Variants in RPS6KA6 observed in about 807,000 individuals in gnomAD.
The protein encoded by RPS6KA6 is ribosomal protein S6 kinase alpha-6.
RPS6KA6 carries 27 observed loss-of-function variants against 65.4 expected under a neutral mutation model. That is an observed-to-expected ratio of 0.41 (90% CI 0.30 to 0.57). The LOEUF is 0.57. Among genes scored for constraint, RPS6KA6 ranks in the 20% least tolerant of loss-of-function variants. The pLI is 0.24. For synonymous variants in RPS6KA6, 190 were observed against 184.2 expected (o/e 1.03, Z -0.26); for missense variants, 486 against 555.6 (o/e 0.87, Z 1.26).
chrX:84,129,641 A>C (rs2034859502), intron 8 of RPS6KA6, among the ~76,000 whole-genome samples: 1 of 111,947 alleles, frequency 8.9e-6, no homozygotes, highest in Non-Finnish European at 1.9e-5. Context: ...TGTGGCACTT[A>C]TACACAACAG....
At chrX:84,082,339 A>G (rs1169403380) in intron 20 of RPS6KA6, among the ~76,000 whole-genome samples, 1 of 111,631 alleles carries the variant, frequency 9.0e-6, no homozygotes, top group Non-Finnish European at 1.9e-5. Context: ...GGGAACTCCT[A>G]TTCACATTTG....
chrX:84,162,608 G>A (rs1273449713), intron 2 of RPS6KA6, among the ~76,000 whole-genome samples: 1 of 111,498 alleles, frequency 9.0e-6, no homozygotes, highest in African/African-American at 3.3e-5. Context: ...AATTATAAAG[G>A]TAAATATTTG....
rs1285403916 is a variant in RPS6KA6, at chrX:84,060,765, T to C, written c.*3512A>G. 4 of 111,694 alleles carry C rather than the reference T, an allele frequency of 3.6e-5. No individual in the cohort carries two copies. The East Asian group carries it at 1.1e-3, about 31-fold the overall frequency. 9.2% of individuals were successfully genotyped at this position (111,694 alleles called of 1,213,427 possible). ...CACACTGTTCCTTTCCCCCAAAATA[T>C]TTTCCGTGATAGGAACTGAATTTAA... On this transcript the variant is annotated 3_prime_UTR_variant, in exon 22 of 22. Coordinates refer to ENST00000262752, the MANE Select transcript of RPS6KA6 (RefSeq NM_014496.5).
chrX:84,093,185 T>TG (rs1301985745), intron 20 of RPS6KA6, among the ~76,000 whole-genome samples: 10 of 111,376 alleles, frequency 9.0e-5, no homozygotes, highest in Non-Finnish European at 1.9e-4. Context: ...TGGGGAGTGG[T>TG]GGGTGAGGAG....
chrX:84,083,827 C>T (rs752095622), intron 20 of RPS6KA6, among the ~76,000 whole-genome samples: 1 of 112,253 alleles, frequency 8.9e-6, no homozygotes, highest in Non-Finnish European at 1.9e-5. Context: ...AACAAATTTA[C>T]ATTCCAACCA....
chrX:84,147,284 A>C (rs758134000), intron 4 of RPS6KA6, among the ~76,000 whole-genome samples: 1 of 111,907 alleles, frequency 8.9e-6, no homozygotes, highest in South Asian at 3.7e-4. Flanking sequence ...TGTAGCTAAT[A>C]TGCATTTATT....
chrX:84,166,879 T>C (rs2035603844), intron 1 of RPS6KA6, among the ~76,000 whole-genome samples: 1 of 111,215 alleles, frequency 9.0e-6, no homozygotes, highest in Admixed American at 9.6e-5. Flanking sequence ...ATAAAAAGTA[T>C]TGAATTGTAT....
At chrX:84,101,703 C>T (rs899385956) in intron 18 of RPS6KA6, among the ~76,000 whole-genome samples, 3 of 110,524 alleles carry the variant, frequency 2.7e-5, no homozygotes, top group Admixed American at 9.7e-5. Flanking sequence ...TGAAGTACCT[C>T]GAGCCAGTTT....
intron 20 of RPS6KA6, among the ~76,000 whole-genome samples, chrX:84,094,501 C>T (rs1332471581): frequency 9.3e-6 from 1 of 108,058 alleles, no homozygotes; most frequent in Non-Finnish European, 1.9e-5. Context: ...AAACATTAGC[C>T]AGGCGTGGTG....
At chrX:84,148,380 T>TA (rs1209649829) in intron 3 of RPS6KA6, among the ~76,000 whole-genome samples, 2 of 111,004 alleles carry the variant, frequency 1.8e-5, no homozygotes, top group African/African-American at 6.5e-5. Flanking sequence ...TTTGTCAATT[T>TA]AAAAAAATAA....
At position 84,063,254 on chromosome X, in the gene RPS6KA6, T is replaced by C. The variant is rs755010434; in HGVS notation, c.*1023A>G. 1.3e-4 allele frequency: 15 copies of C among 111,751 alleles called. No individual in the cohort carries two copies. The highest frequency in any genetic ancestry group is 1.9e-4 in the Non-Finnish European group (10 of 53,089). The allele number at this position is 111,751 out of a possible 1,213,427, so 9.2% of individuals were successfully genotyped here. On this transcript the variant is annotated 3_prime_UTR_variant, in exon 22 of 22. Coordinates refer to ENST00000262752, the MANE Select transcript of RPS6KA6 (RefSeq NM_014496.5). ...ACAATATACTATATCATGTGTGCTA[T>C]ATGCACAAGTCCACTACAGCAAGAT...
At chrX:84,105,190 A>C (rs189399384) in intron 16 of RPS6KA6, among the ~76,000 whole-genome samples, 3 of 110,771 alleles carry the variant, frequency 2.7e-5, no homozygotes, top group East Asian at 5.7e-4. Flanking sequence ...ACACACACAC[A>C]CCACAGTAGT....
intron 20 of RPS6KA6, among the ~76,000 whole-genome samples, chrX:84,086,069 A>C (rs927132307): frequency 3.3e-4 from 36 of 110,377 alleles, no homozygotes; most frequent in African/African-American, 1.1e-3. Flanking sequence ...TCTTCTGTCT[A>C]GCTAGTTGTC....
intron 3 of RPS6KA6, among the ~76,000 whole-genome samples, chrX:84,153,165 T>A (rs1178961066): frequency 8.9e-6 from 1 of 111,874 alleles, no homozygotes; most frequent in Non-Finnish European, 1.9e-5. Context: ...CACTTGAGAG[T>A]TGATCACTTA....
At chrX:84,103,637 C>T (rs1387238234) in intron 17 of RPS6KA6, among the ~76,000 whole-genome samples, 1 of 110,878 alleles carries the variant, frequency 9.0e-6, no homozygotes, top group African/African-American at 3.3e-5. Flanking sequence ...AAAGAAGAGA[C>T]GCCTATGATG....
At chrX:84,080,658 A>T (rs949003027) in intron 20 of RPS6KA6, among the ~76,000 whole-genome samples, 2 of 106,437 alleles carry the variant, frequency 1.9e-5, no homozygotes, top group African/African-American at 6.8e-5. Context: ...CTCCACCCCA[A>T]ATTAACAGAA....
intron 1 of RPS6KA6, among the ~76,000 whole-genome samples, chrX:84,175,139 C>T (rs1295651897): frequency 9.0e-6 from 1 of 110,955 alleles, no homozygotes; most frequent in African/African-American, 3.3e-5. Context: ...TTGGGTTAGT[C>T]ATAAAATTGT....
intron 1 of RPS6KA6, among the ~76,000 whole-genome samples, chrX:84,184,275 G>A (rs766963960): frequency 9.0e-4 from 101 of 112,471 alleles, no homozygotes; most frequent in Non-Finnish European, 1.6e-3. Flanking sequence ...GGAAGGCTGC[G>A]GCTAAGGCCA....
intron 5 of RPS6KA6, among the ~76,000 whole-genome samples, chrX:84,145,827 G>A (rs1221761147): frequency 9.0e-6 from 1 of 110,596 alleles, no homozygotes; most frequent in African/African-American, 3.3e-5. Flanking sequence ...TACTGCAATT[G>A]CCTAAACTTA....
Sources: allele counts gnomAD v4.1 joint callset (sites outside exome capture counted in the v4.1 genomes callset), GRCh38; gene constraint gnomAD v4.1.1; transcripts MANE v1.5; gene names NCBI Gene and HGNC (gene_info 2026-07-23, HGNC 2026-07-21).